STMP1: variants seen among roughly 807,000 people sequenced by gnomAD.
STMP1 encodes mitolamban.
Under a neutral mutation model 7.0 loss-of-function variants are expected in STMP1, and 7 were observed. That is an observed-to-expected ratio of 1.01 (90% CI 0.57 to 1.89). The LOEUF (loss-of-function observed/expected upper bound fraction) is 1.89, where lower values mean the gene tolerates loss of function less well. STMP1 is among the 40% of genes most tolerant of loss of function. The pLI, the probability that STMP1 is intolerant of heterozygous loss-of-function variation, is 0.00. For missense variants in STMP1, 45 were observed against 53.0 expected, an observed-to-expected ratio of 0.85 and a Z score of 0.47; for synonymous variants, 19 against 18.4, an observed-to-expected ratio of 1.03 and a Z score of -0.08.
intron 1 of STMP1, among the ~76,000 whole-genome samples, chr7:135,665,965 C>T (rs1226974700): frequency 1.3e-5 from 2 of 150,568 alleles, no homozygotes; most frequent in African/African-American, 4.9e-5. Flanking sequence ...GCACTGGTGC[C>T]ATCTTGGCTC....
rs577248023 is a variant in STMP1 at position 135,672,777 on chromosome 7, G to A, written c.40G>A (p.Val14Ile). ...GCTTGGATTTACACTGGGCAACGTG[G>A]TTGGAATGTATCTGGCTCAGAACTA... ...FLLGFTLGNVVGMYLAQNYDI... is the reference protein window; with the variant it reads ...FLLGFTLGNVIGMYLAQNYDI... Residue 14 changes from valine to isoleucine, a missense_variant, in exon 2 of 3, where the codon GTT (valine) becomes ATT (isoleucine). Val to Ile is a conservative substitution (Grantham distance 29). Transcript: ENST00000507606. 21 of 1,551,640 alleles carry A rather than the reference G, an allele frequency of 1.4e-5. No homozygotes were observed. In the South Asian group the frequency reaches 2.4e-4, roughly 18 times the overall value.
chr7:135,662,532 G>C lies in STMP1; in HGVS notation c.-48G>C. On this transcript the variant is annotated 5_prime_UTR_variant, in exon 1 of 3. Coordinates refer to ENST00000507606, the MANE Select transcript of STMP1 (RefSeq NM_001130929.2). Reference sequence around the variant, plus strand: ...GGGAGGTAGGCTCGGACCGGCCCGCGGAGCTGCTGCAGTCCTTCGCGCCCT... The same window carrying C: ...GGGAGGTAGGCTCGGACCGGCCCGCCGAGCTGCTGCAGTCCTTCGCGCCCT... 1 of 1,534,746 alleles carries C rather than the reference G, an allele frequency of 6.5e-7. No individual in the cohort carries two copies. Among genetic ancestry groups the C allele is most frequent in the South Asian group, 1.2e-5 (1 of 83,018 alleles).
At chr7:135,664,825 A>T (rs73721673) in intron 1 of STMP1, among the ~76,000 whole-genome samples, 18,043 of 152,082 alleles carry the variant, frequency 0.12, 1,269 homozygotes, top group East Asian at 0.19. Flanking sequence ...TTGAGCAAGT[A>T]TTTCTCTTTG....
At chr7:135,668,177 A>T (rs138415187) in intron 1 of STMP1, among the ~76,000 whole-genome samples, 62 of 152,322 alleles carry the variant, frequency 4.1e-4, no homozygotes, top group Non-Finnish European at 6.8e-4. Flanking sequence ...TTTATTGATC[A>T]ATAGAAACAA....
At chr7:135,670,170 C>A (rs1449226232) in intron 1 of STMP1, among the ~76,000 whole-genome samples, 1 of 152,122 alleles carries the variant, frequency 6.6e-6, no homozygotes, top group Non-Finnish European at 1.5e-5. Flanking sequence ...TTTTTCATAC[C>A]CCTAAAGTCT....
At chr7:135,663,227 T>C (rs1795254365) in intron 1 of STMP1, among the ~76,000 whole-genome samples, 1 of 152,240 alleles carries the variant, frequency 6.6e-6, no homozygotes, top group Non-Finnish European at 1.5e-5. Flanking sequence ...CAAAACTCGG[T>C]ATATTTCAAA....
chr7:135,666,788 T>A (rs1795299093), intron 1 of STMP1, among the ~76,000 whole-genome samples: 1 of 152,264 alleles, frequency 6.6e-6, no homozygotes, highest in African/African-American at 2.4e-5. Context: ...ACATTCAAGA[T>A]GTTTCCACTT....
intron 1 of STMP1, among the ~76,000 whole-genome samples, chr7:135,663,136 A>G (rs1018944653): frequency 2.0e-5 from 3 of 152,202 alleles, no homozygotes; most frequent in African/African-American, 7.2e-5. Flanking sequence ...GTATACAAGT[A>G]ATTTTTCCCA....
At chr7:135,665,279 G>A (rs1398028193) in intron 1 of STMP1, among the ~76,000 whole-genome samples, 1 of 152,174 alleles carries the variant, frequency 6.6e-6, no homozygotes, top group Non-Finnish European at 1.5e-5. Flanking sequence ...TTCTCCTACA[G>A]TTGTGATTTG....
intron 2 of STMP1, chr7:135,673,036 C>T (rs565355009): frequency 3.8e-6 from 2 of 532,694 alleles, no homozygotes; most frequent in East Asian, 3.1e-5. Context: ...TTTAGCTGGG[C>T]TCATGATCAT....
Position 135,670,446 on chromosome 7 carries a change from C to G in STMP1, c.16-2307C>G, listed in dbSNP as rs1394018482. Among the ~76,000 whole-genome samples the G allele has an allele frequency of 2.6e-5, 4 of 152,196 alleles. No individual in the cohort carries two copies. In the East Asian group the frequency reaches 7.7e-4, roughly 29 times the overall value. Reference sequence around the variant, plus strand: ...AGACCTCCTATAATCTGACTCCAGTCTAACCTCTCAGACTGAGTCACTGTT... The same window carrying G: ...AGACCTCCTATAATCTGACTCCAGTGTAACCTCTCAGACTGAGTCACTGTT... On this transcript the variant is annotated intron_variant, in intron 1 of 2. Coordinates refer to ENST00000507606, the MANE Select transcript of STMP1 (RefSeq NM_001130929.2).
chr7:135,673,949 C>T (rs1457855915), intron 2 of STMP1, 142 bp from the exon 3 acceptor site: 3 of 637,920 alleles, frequency 4.7e-6, no homozygotes, highest in Non-Finnish European at 2.7e-6. Context: ...AAAAAGAAAG[C>T]AAAAAGAAAT....
chr7:135,673,079 T>G, intron 2 of STMP1: 1 of 438,488 alleles, frequency 2.3e-6, no homozygotes, highest in Non-Finnish European at 4.1e-6. Flanking sequence ...GAGAGTAATA[T>G]TAAGTTGGGC....
At chr7:135,670,194 G>T (rs1486059144) in intron 1 of STMP1, among the ~76,000 whole-genome samples, 2 of 152,212 alleles carry the variant, frequency 1.3e-5, no homozygotes, top group Non-Finnish European at 2.9e-5. Context: ...AATTATTACA[G>T]AGAGGGTGTG....
chr7:135,672,516 T>C (rs1795367094), intron 1 of STMP1, among the ~76,000 whole-genome samples: 1 of 152,172 alleles, frequency 6.6e-6, no homozygotes, highest in Non-Finnish European at 1.5e-5. Flanking sequence ...TTTTTTCTTA[T>C]GTTTGGTTGG....
intron 1 of STMP1, among the ~76,000 whole-genome samples, chr7:135,668,959 G>T (rs1270996622): frequency 2.6e-5 from 4 of 152,196 alleles, no homozygotes; most frequent in Non-Finnish European, 5.9e-5. Context: ...TGGGAAAAAG[G>T]GTTTAATGGA....
Position 135,674,366 on chromosome 7 carries a change from C to T in STMP1, c.*201C>T, listed in dbSNP as rs927859262. 9.6e-6 allele frequency: 5 copies of T among 520,010 alleles called. No homozygotes were observed. The African/African-American group carries it at 9.6e-5, about 10-fold the overall frequency. The allele number at this position is 520,010 out of a possible 1,614,324, so 32.2% of individuals were successfully genotyped here. ...CCCGACATTTCCAACATACTCACCTCTTCCCATAATCCCTTTCCAACTGCA... is the reference window on the plus strand; with the variant it reads ...CCCGACATTTCCAACATACTCACCTTTTCCCATAATCCCTTTCCAACTGCA... On this transcript the variant is annotated 3_prime_UTR_variant, in exon 3 of 3. Coordinates refer to ENST00000507606, the MANE Select transcript of STMP1 (RefSeq NM_001130929.2).
intron 1 of STMP1, 62 bp downstream of exon 1, chr7:135,662,656 C>G (rs1383726159): frequency 6.6e-7 from 1 of 1,523,612 alleles, no homozygotes; most frequent in Non-Finnish European, 8.8e-7. Context: ...CCCCATTTCC[C>G]CCTTGAGGAT....
chr7:135,674,232 T>G lies in STMP1; in HGVS notation c.*67T>G. ...GCTCTTGAGGGCCTCGTTTACTATCTGAACCAAAAGCTTTTGTTTTCGTCT... is the reference window on the plus strand; with the variant it reads ...GCTCTTGAGGGCCTCGTTTACTATCGGAACCAAAAGCTTTTGTTTTCGTCT... On this transcript the variant is annotated 3_prime_UTR_variant, in exon 3 of 3. Coordinates refer to ENST00000507606, the MANE Select transcript of STMP1 (RefSeq NM_001130929.2). 1 of 1,208,752 alleles carries G rather than the reference T, an allele frequency of 8.3e-7. No homozygotes were observed. Among genetic ancestry groups the G allele is most frequent in the Non-Finnish European group, 1.2e-6 (1 of 865,410 alleles). 74.9% of individuals were successfully genotyped at this position (1,208,752 alleles called of 1,614,324 possible). A position where few individuals can be genotyped will look rare whatever the true frequency, so the allele number is the denominator to read the frequency against.
Sources: gnomAD v4.1 joint callset for allele counts (sites outside exome capture counted in the v4.1 genomes callset) on GRCh38, gnomAD v4.1.1 for gene constraint, MANE v1.5 for transcripts, NCBI Gene and HGNC (gene_info 2026-07-23, HGNC 2026-07-21) for gene names.